The following HNRNPU variants were observed in gnomAD, a reference collection of about 807,000 sequenced individuals.
The protein encoded by HNRNPU is HNRNPU antisense RNA 1.
In HNRNPU, 5 loss-of-function variants were observed where a neutral mutation model predicts 94.7. The observed-to-expected ratio is 0.05, with a 90% CI of 0.03 to 0.11. HNRNPU has a LOEUF of 0.11. Among genes scored for constraint, HNRNPU ranks in the 10% least tolerant of loss-of-function variants. The pLI is 1.00. For missense variants in HNRNPU, 710 were observed against 1,049.2 expected, an observed-to-expected ratio of 0.68 and a Z score of 4.47; for synonymous variants, 434 against 381.6, an observed-to-expected ratio of 1.14 and a Z score of -1.60.
rs1161563706 is a variant in HNRNPU at position 244,852,479 on chromosome 1, G to C, written c.*1971C>G. ...AAGGACAACTTTAGGACACAACACT[G>C]ATTAGCATCAAAACCTGAAACTGTT... On this transcript the variant is annotated 3_prime_UTR_variant, in exon 14 of 14. Transcript: ENST00000640218. 6.6e-6 allele frequency: 1 copy of C among 152,108 alleles called. No individual in the cohort carries two copies. The highest frequency in any genetic ancestry group is 1.5e-5 in the Non-Finnish European group (1 of 67,986). The allele number at this position is 152,108 out of a possible 1,614,324, so 9.4% of individuals were successfully genotyped here. A position where few individuals can be genotyped will look rare whatever the true frequency, so the allele number is the denominator to read the frequency against.
At chr1:244,855,657 A>AGGAAGGG (rs1680659719) in intron 11 of HNRNPU, 49 bp from the exon 12 acceptor site, 1 of 1,574,918 alleles carries the variant, frequency 6.3e-7, no homozygotes, top group African/African-American at 1.4e-5. Context: ...TACCCTACTT[A>AGGAAGGG]TACAGAAGAC....
Position 244,855,550 on chromosome 1 carries a change from G to T in HNRNPU, c.2226C>A (p.Gly742=). 4 of 1,613,880 alleles carry T rather than the reference G, an allele frequency of 2.5e-6. No individual in the cohort carries two copies. The highest frequency in any genetic ancestry group is 3.4e-6 in the Non-Finnish European group (4 of 1,179,910). The change falls in exon 12 of 14, where the codon GGC becomes GGA. Residue 742 remains glycine (G), a synonymous_variant. Coordinates refer to ENST00000640218, the MANE Select transcript of HNRNPU (RefSeq NM_031844.3). Reference sequence around the variant, plus strand: ...AGCCGATTCCACCACTTCCTCCACCGCCACCACCTCTCTGTGGCATGTTGC... The same window carrying T: ...AGCCGATTCCACCACTTCCTCCACCTCCACCACCTCTCTGTGGCATGTTGC... ...RRGNMPQRGG[G]GGGSGGIGYP...
At chr1:244,859,774 C>A (rs535984539) in intron 4 of HNRNPU, 1 of 158,850 alleles carries the variant, frequency 6.3e-6, no homozygotes, top group East Asian at 1.8e-4. Context: ...TCGCCTAGCT[C>A]TGCATGGCAA....
chr1:244,864,173 CTCG>C lies in HNRNPU; in HGVS notation c.132_134del (p.Asp44del), dbSNP rs775075938. 3 of 1,606,978 alleles carry C rather than the reference CTCG, an allele frequency of 1.9e-6. No homozygotes were observed. Among genetic ancestry groups the C allele is most frequent in the East Asian group, 2.2e-5 (1 of 44,620 alleles). The stretch of plus-strand genomic sequence containing the variant: ...CCATGGCGGGGCGGCCCCCGGCCTC[CTCG>C]TCGTCCAGCGCAGCCTGGAGTCGCT... On this transcript the variant is annotated inframe_deletion, in exon 1 of 14. Coordinates refer to ENST00000640218, the MANE Select transcript of HNRNPU (RefSeq NM_031844.3).
At position 244,863,968 on chromosome 1, in the gene HNRNPU, C is replaced by T; in HGVS notation, c.340G>A (p.Gly114Arg). The change falls in exon 1 of 14, where the codon GGG (glycine) becomes AGG (arginine). Residue 114 changes from glycine to arginine, a missense_variant. Transcript: ENST00000640218. ...MELGEENGAA[G>R]AADSGPMEEE... ...TCCATCGGGCCCGAGTCGGCCGCCC[C>T]CGCGGCCCCGTTCTCCTCTCCTAGC... 1 of 1,613,756 alleles carries T rather than the reference C, an allele frequency of 6.2e-7. No individual in the cohort carries two copies. Among genetic ancestry groups the T allele is most frequent in the Non-Finnish European group, 8.5e-7 (1 of 1,179,900 alleles).
chr1:244,858,783 C>G lies in HNRNPU; in HGVS notation c.1176G>C (p.Glu392Asp), dbSNP rs1413762264. The G allele has an allele frequency of 6.3e-7, 1 of 1,597,408 alleles. No homozygotes were observed. The highest frequency in any genetic ancestry group is 8.6e-7 in the Non-Finnish European group (1 of 1,165,668). The change falls in exon 6 of 14, where the codon GAG (glutamate) becomes GAC (aspartate). Residue 392 changes from glutamate to aspartate, a missense_variant. Around this residue, in one of 8 missense-constraint regions of HNRNPU, gnomAD observed 150 missense variants for 187.9 expected, o/e 0.80. Transcript: ENST00000640218. The stretch of plus-strand genomic sequence containing the variant: ...CAAACTTTTCTCCATAATCTTCAGT[C>G]TCACAGTTGCATGTTTTTATTCCTT... ...SLKGIKTCNC[E>D]TEDYGEKFDE...
In HNRNPU at chr1:244,859,329, C is replaced by T; in HGVS notation, c.1063G>A (p.Asp355Asn). The change falls in exon 5 of 14, where the codon GAC becomes AAC. Residue 355 changes from aspartate to asparagine, a missense_variant. By Grantham distance (23) the Asp-to-Asn change is conservative (BLOSUM62 1). Transcript: ENST00000640218. ...PVRHLYTKDI[D>N]IHEVRIGWSL... ...CAGCCAATACGAACTTCATGTATGTCAATATCTTTTGTATATAAATGCCTT... is the reference window on the plus strand; with the variant it reads ...CAGCCAATACGAACTTCATGTATGTTAATATCTTTTGTATATAAATGCCTT... 6.3e-7 allele frequency: 1 copy of T among 1,598,606 alleles called. No individual in the cohort carries two copies. The highest frequency in any genetic ancestry group is 8.6e-7 in the Non-Finnish European group (1 of 1,166,390).
Position 244,863,845 on chromosome 1 carries a change from C to T in HNRNPU, c.463G>A (p.Glu155Lys), listed in dbSNP as rs1680925736. ...LGDEEEGAGD[E>K]NGHGEQQPQP... Reference sequence around the variant, plus strand: ...GGCTGCTGCTCCCCGTGCCCGTTCTCGTCGCCCGCGCCTTCCTCTTCGTCC... The same window carrying T: ...GGCTGCTGCTCCCCGTGCCCGTTCTTGTCGCCCGCGCCTTCCTCTTCGTCC... Residue 155 changes from glutamate (E) to lysine (K), a missense_variant, in exon 1 of 14, where the codon GAG becomes AAG. Around this residue, in one of 8 missense-constraint regions of HNRNPU, gnomAD observed 292 missense variants for 293.4 expected, o/e 1.00. Transcript: ENST00000640218. 1 of 1,612,980 alleles carries T rather than the reference C, an allele frequency of 6.2e-7. No individual in the cohort carries two copies. Among genetic ancestry groups the T allele is most frequent in the Non-Finnish European group, 8.5e-7 (1 of 1,179,766 alleles).
At chr1:244,859,051 A>G (rs1680755606) in intron 5 of HNRNPU, 4 of 581,318 alleles carry the variant, frequency 6.9e-6, no homozygotes, top group Non-Finnish European at 1.2e-5. Flanking sequence ...CGATTTGCAT[A>G]TCACGGGTAA....
In HNRNPU at chr1:244,864,044, T is replaced by C; in HGVS notation, c.264A>G (p.Glu88=). ...AAAGGDEEEE[E]EEEEEEGISA... is the part of the protein sequence containing the mutation. ...AGATTCCTTCCTCCTCCTCTTCCTC[T>C]TCCTCCTCCTCTTCATCGCCGCCGG... The change falls in exon 1 of 14, where the codon GAA becomes GAG. Residue 88 remains glutamate, a synonymous_variant. Transcript: ENST00000640218. 1.2e-6 allele frequency: 2 copies of C among 1,609,496 alleles called. No homozygotes were observed. The highest frequency in any genetic ancestry group is 2.2e-5 in the East Asian group (1 of 44,648).
In HNRNPU at chr1:244,863,705, G is replaced by C. The variant is rs759371036; in HGVS notation, c.603C>G (p.Pro201=). 3 of 1,563,882 alleles carry C rather than the reference G, an allele frequency of 1.9e-6. No homozygotes were observed. The highest frequency in any genetic ancestry group is 1.8e-5 in the Admixed American group (1 of 54,310). Residue 201 remains proline, a synonymous_variant, in exon 1 of 14, where the codon CCC becomes CCG. Transcript: ENST00000640218. ...TSLFAVTVAP[P]GARQGQQQAG... is the part of the protein sequence containing the mutation. Reference sequence around the variant, plus strand: ...CCTGCTGCTGGCCCTGCCTCGCCCCGGGCGGCGCCACCGTCACCGCGAACA... The same window carrying C: ...CCTGCTGCTGGCCCTGCCTCGCCCCCGGCGGCGCCACCGTCACCGCGAACA...
chr1:244,858,070 C>T lies in HNRNPU; in HGVS notation c.1435G>A (p.Val479Ile), dbSNP rs1292923449. ...CCTCTAACTCGATCCTCTAAGGGGA[C>T]GTTCTGGATGAAAGTATACTCTTCA... is the stretch of plus-strand genomic sequence containing the variant. Reference protein sequence around the residue: ...IPEEYTFIQNVPLEDRVRGPK... With the variant: ...IPEEYTFIQNIPLEDRVRGPK... The change falls in exon 7 of 14, where the codon GTC (valine) becomes ATC (isoleucine). Residue 479 changes from valine (V) to isoleucine (I), a missense_variant. By Grantham distance (29) the Val-to-Ile change is conservative (BLOSUM62 3). Transcript: ENST00000640218. The T allele has an allele frequency of 2.5e-6, 4 of 1,613,840 alleles. No homozygotes were observed. Among genetic ancestry groups the T allele is most frequent in the Non-Finnish European group, 2.5e-6 (3 of 1,179,904 alleles).
intron 12 of HNRNPU, 40 bp from the exon 13 acceptor site, chr1:244,855,084 T>A: frequency 6.6e-7 from 1 of 1,521,188 alleles, no homozygotes; most frequent in East Asian, 2.2e-5. Flanking sequence ...CTGAGCCCAA[T>A]TGCTTGTTAG....
In HNRNPU at chr1:244,851,612, G is replaced by A. The variant is rs1015445194; in HGVS notation, c.*2838C>T. ...TGTTGCTAGTGCTCAGAACATCTAG[G>A]TTCAGTCTTTATTTTTAAGACAGTA... On this transcript the variant is annotated 3_prime_UTR_variant, in exon 14 of 14. Coordinates refer to ENST00000640218, the MANE Select transcript of HNRNPU (RefSeq NM_031844.3). 2.6e-5 allele frequency: 4 copies of A among 152,238 alleles called. No homozygotes were observed. Among genetic ancestry groups the A allele is most frequent in the Admixed American group, 1.3e-4 (2 of 15,290 alleles). The allele number at this position is 152,238 out of a possible 1,614,324, so 9.4% of individuals were successfully genotyped here. A position where few individuals can be genotyped will look rare whatever the true frequency, so the allele number is the denominator to read the frequency against.
In HNRNPU at chr1:244,853,971, A is replaced by C. The variant is rs1236275386; in HGVS notation, c.*479T>G. 6.5e-6 allele frequency: 1 copy of C among 153,540 alleles called. No homozygotes were observed. Among genetic ancestry groups the C allele is most frequent in the African/African-American group, 2.4e-5 (1 of 41,446 alleles). The allele number at this position is 153,540 out of a possible 1,614,324, so 9.5% of individuals were successfully genotyped here. On this transcript the variant is annotated 3_prime_UTR_variant, in exon 14 of 14. Coordinates refer to ENST00000640218, the MANE Select transcript of HNRNPU (RefSeq NM_031844.3). ...ACCCAGCAAACTACAGAGAGGATGG[A>C]GTGTAATATGAGCAGTACAGAGTCT...
chr1:244,858,866 AAGT>A, intron 5 of HNRNPU, 25 bp from the exon 6 acceptor site: 3 of 1,096,884 alleles, frequency 2.7e-6, no homozygotes. Context: ...AATCTTCATG[AAGT>A]AGATGTTTAA....
rs925025401 is a variant in HNRNPU at position 244,855,884 on chromosome 1, A to C, written c.2167+20T>G. On this transcript the variant is annotated intron_variant, in intron 11 of 13. Transcript: ENST00000640218. Reference sequence around the variant, plus strand: ...TGTTTCGATCCTGAACTAAATACAGAACACTCAAAATTAACTTGCCTCCTC... The same window carrying C: ...TGTTTCGATCCTGAACTAAATACAGCACACTCAAAATTAACTTGCCTCCTC... 6.2e-7 allele frequency: 1 copy of C among 1,612,496 alleles called. No homozygotes were observed. The highest frequency in any genetic ancestry group is 1.7e-5 in the Admixed American group (1 of 59,754).
rs1303336030 is a variant in HNRNPU, at chr1:244,862,486, A to G, written c.852T>C (p.Asp284=). The G allele has an allele frequency of 6.2e-7, 1 of 1,613,640 alleles. No homozygotes were observed. The highest frequency in any genetic ancestry group is 1.1e-5 in the South Asian group (1 of 91,058). The change falls in exon 3 of 14, where the codon GAT becomes GAC. Residue 284 remains aspartate (D), a synonymous_variant. Transcript: ENST00000640218. ...AAGTATCAAGACAAACCACTGTGTCATCGAAGTGTTCATCTTCTTCTTCAA... is the reference window on the plus strand; with the variant it reads ...AAGTATCAAGACAAACCACTGTGTCGTCGAAGTGTTCATCTTCTTCTTCAA... ...PPVEEEDEHF[D]DTVVCLDTYN... is the part of the protein sequence containing the mutation.
Position 244,852,497 on chromosome 1 carries a change from A to T in HNRNPU, c.*1953T>A, listed in dbSNP as rs1199800401. ...CAACACTGATTAGCATCAAAACCTG[A>T]AACTGTTCCTCTAGTAAGTCTATGC... On this transcript the variant is annotated 3_prime_UTR_variant, in exon 14 of 14. Transcript: ENST00000640218. 1 of 152,138 alleles carries T rather than the reference A, an allele frequency of 6.6e-6. No individual in the cohort carries two copies. The highest frequency in any genetic ancestry group is 1.5e-5 in the Non-Finnish European group (1 of 68,008). The allele number at this position is 152,138 out of a possible 1,614,324, so 9.4% of individuals were successfully genotyped here.
Sources: allele counts gnomAD v4.1 joint callset, GRCh38; gene constraint gnomAD v4.1.1; regional missense constraint gnomAD v4.1.1; transcripts MANE v1.5; gene names NCBI Gene and HGNC (gene_info 2026-07-23, HGNC 2026-07-21).